KCNH8: variants seen among roughly 807,000 people sequenced by gnomAD.
KCNH8 encodes the protein potassium voltage-gated channel subfamily H member 8.
In KCNH8, 70 loss-of-function variants were observed where a neutral mutation model predicts 103.6. The ratio of observed to expected loss-of-function variants is 0.68; its 90% confidence interval spans 0.56 to 0.82. The LOEUF (loss-of-function observed/expected upper bound fraction) is 0.82, where lower values mean the gene tolerates loss of function less well. KCNH8 is among the 40% of genes least tolerant of loss of function. The probability of loss-of-function intolerance (pLI) is 0.00; values close to 1 mark genes in which losing one functional copy is unlikely to be tolerated. For missense variants in KCNH8, 1,217 were observed against 1,329.9 expected (o/e 0.92, Z 1.32); for synonymous variants, 498 against 489.4 (o/e 1.02, Z -0.23).
rs34714826 is a variant in KCNH8 at position 19,326,356 on chromosome 3, AATATATATATATATAT to A, written c.443-16219_443-16204del. Among the ~76,000 whole-genome samples the A allele has an allele frequency of 2.2e-5, 3 of 135,766 alleles. No homozygotes were observed. The South Asian group carries it at 7.2e-4, about 32-fold the overall frequency. 89.1% of individuals were successfully genotyped at this position (135,766 alleles called of 152,430 possible). ...ACCCCTGAACTTACAATGAAAGTTAAATATATATATATATATATATATATATAATAAATGATTATGA... is the reference window on the plus strand; with the variant it reads ...ACCCCTGAACTTACAATGAAAGTTAAATATATATATAATAAATGATTATGA... On this transcript the variant is annotated intron_variant, in intron 3 of 15. Transcript: ENST00000328405.
rs1170312203 is a variant in KCNH8, at chr3:19,201,231, CAAAAAAAAAAAAA to C, written c.77-52404_77-52392del. ...TGGGTGAAGTAGCAAGACTCTGCCTCAAAAAAAAAAAAAAAAAAAAAAAAAAAAAAAGAAAAGA... is the reference window on the plus strand; with the variant it reads ...TGGGTGAAGTAGCAAGACTCTGCCTCAAAAAAAAAAAAAAAAAAGAAAAGA... On this transcript the variant is annotated intron_variant, in intron 1 of 15. Transcript: ENST00000328405. Among the ~76,000 whole-genome samples, 126 of 22,076 alleles carry C rather than the reference CAAAAAAAAAAAAA, an allele frequency of 5.7e-3. 1 individual carries two copies. Among genetic ancestry groups the C allele is most frequent in the Middle Eastern group, 0.071 (1 of 14 alleles). The allele number at this position is 22,076 out of a possible 152,430, so 14.5% of individuals were successfully genotyped here.
chr3:19,191,848 C>G (rs868598289), intron 1 of KCNH8, among the ~76,000 whole-genome samples: 2 of 151,678 alleles, frequency 1.3e-5, no homozygotes, highest in Admixed American at 6.6e-5. Context: ...TCTATAATAA[C>G]CTATTTATGT....
At chr3:19,149,674 G>A (rs1388262366) in intron 1 of KCNH8, among the ~76,000 whole-genome samples, 4 of 152,090 alleles carry the variant, frequency 2.6e-5, no homozygotes, top group Non-Finnish European at 4.4e-5. Flanking sequence ...CTGTAATTAG[G>A]AGTCTGTACT....
At chr3:19,314,005 G>A (rs35903979) in intron 3 of KCNH8, among the ~76,000 whole-genome samples, 31,941 of 151,650 alleles carry the variant, frequency 0.21, 3,775 homozygotes, top group Non-Finnish European at 0.28. Context: ...ACTTGCAAAC[G>A]TTCTCCCCCC....
At chr3:19,403,389 TA>T (rs1296997364) in intron 7 of KCNH8, among the ~76,000 whole-genome samples, 8 of 83,512 alleles carry the variant, frequency 9.6e-5, no homozygotes, top group South Asian at 3.8e-4. Flanking sequence ...TATATATATA[TA>T]TATATATATA....
At chr3:19,504,511 G>A (rs1329642695) in intron 11 of KCNH8, among the ~76,000 whole-genome samples, 1 of 152,050 alleles carries the variant, frequency 6.6e-6, no homozygotes, top group Non-Finnish European at 1.5e-5. Context: ...CCACTAAAAA[G>A]TGGGTAAAGG....
chr3:19,469,543 G>A (rs111504679), intron 11 of KCNH8, among the ~76,000 whole-genome samples: 6,273 of 152,110 alleles, frequency 0.041, 298 homozygotes, highest in East Asian at 0.23. Context: ...GGGTTCAAGT[G>A]ATTCTCCTGC....
intron 1 of KCNH8, among the ~76,000 whole-genome samples, chr3:19,226,552 A>G (rs1158892366): frequency 2.7e-5 from 4 of 145,616 alleles, no homozygotes; most frequent in African/African-American, 1.0e-4. Context: ...TTGCTCCACC[A>G]TCTCTCTCTC....
intron 5 of KCNH8, among the ~76,000 whole-genome samples, chr3:19,375,281 A>G (rs997800619): frequency 1.9e-4 from 29 of 150,022 alleles, no homozygotes; most frequent in Non-Finnish European, 4.0e-4. Flanking sequence ...ATAGTCCCAT[A>G]TTTCTTGGAG....
intron 3 of KCNH8, among the ~76,000 whole-genome samples, chr3:19,331,564 T>TACAG (rs1180834611): frequency 6.6e-6 from 1 of 152,124 alleles, no homozygotes; most frequent in Non-Finnish European, 1.5e-5. Context: ...GTGCTGGGAT[T>TACAG]ACAGGCGTGA....
chr3:19,291,531 A>G (rs548240785), intron 3 of KCNH8, among the ~76,000 whole-genome samples: 1 of 152,324 alleles, frequency 6.6e-6, no homozygotes, highest in African/African-American at 2.4e-5. Flanking sequence ...CAGGTTGTTC[A>G]GTTTCCATGT....
intron 3 of KCNH8, among the ~76,000 whole-genome samples, chr3:19,284,084 A>T (rs2064794725): frequency 6.6e-6 from 1 of 152,178 alleles, no homozygotes; most frequent in Non-Finnish European, 1.5e-5. Context: ...AAAGCTTCCA[A>T]ATAAGTGTTT....
intron 1 of KCNH8, among the ~76,000 whole-genome samples, chr3:19,184,592 C>T (rs184634703): frequency 3.3e-5 from 5 of 151,908 alleles, no homozygotes; most frequent in East Asian, 1.9e-4. Context: ...TTTAAAATGG[C>T]GTTAAATAAA....
At chr3:19,526,151 T>G (rs1211186932) in intron 15 of KCNH8, among the ~76,000 whole-genome samples, 2 of 151,952 alleles carry the variant, frequency 1.3e-5, no homozygotes, top group Admixed American at 1.3e-4. Context: ...AGGATTGGTA[T>G]AATTAGTACC....
intron 14 of KCNH8, among the ~76,000 whole-genome samples, chr3:19,515,956 C>T (rs2068867619): frequency 6.6e-6 from 1 of 152,074 alleles, no homozygotes; most frequent in Non-Finnish European, 1.5e-5. Flanking sequence ...GTACCTCCAA[C>T]TCTAGCCCAA....
intron 3 of KCNH8, among the ~76,000 whole-genome samples, chr3:19,299,471 A>C (rs908445982): frequency 2.0e-5 from 3 of 152,164 alleles, no homozygotes; most frequent in African/African-American, 7.2e-5. Flanking sequence ...TCTCCGAAAA[A>C]AAGAAAACAA....
chr3:19,386,651 A>G (rs2066361654), intron 5 of KCNH8, among the ~76,000 whole-genome samples: 1 of 152,164 alleles, frequency 6.6e-6, no homozygotes, highest in Admixed American at 6.6e-5. Context: ...TAATGATATT[A>G]ACAAGAAAAT....
intron 2 of KCNH8, among the ~76,000 whole-genome samples, chr3:19,262,233 A>G (rs2064446405): frequency 6.6e-6 from 1 of 152,004 alleles, no homozygotes; most frequent in African/African-American, 2.4e-5. Context: ...CTTCCAATCC[A>G]TGAGCATGGA....
intron 7 of KCNH8, among the ~76,000 whole-genome samples, chr3:19,415,851 A>C (rs1280429885): frequency 6.6e-6 from 1 of 152,030 alleles, no homozygotes; most frequent in East Asian, 1.9e-4. Flanking sequence ...CTTCATTAGC[A>C]ATTGTTACCA....
Sources: gnomAD v4.1 joint callset for allele counts (sites outside exome capture counted in the v4.1 genomes callset) on GRCh38, gnomAD v4.1.1 for gene constraint, MANE v1.5 for transcripts, NCBI Gene and HGNC (gene_info 2026-07-23, HGNC 2026-07-21) for gene names.